Variants in FBXO40 observed in about 807,000 individuals in gnomAD.
The protein encoded by FBXO40 is F-box only protein 40.
Under a neutral mutation model 49.9 loss-of-function variants are expected in FBXO40, and 50 were observed. The observed-to-expected ratio is 1.00, with a 90% CI of 0.80 to 1.27. FBXO40 has a LOEUF of 1.27. FBXO40 is among the 50% of genes most tolerant of loss of function. The pLI is 0.00. For synonymous variants in FBXO40, 340 were observed against 320.2 expected (o/e 1.06, Z -0.66); for missense variants, 895 against 870.1 (o/e 1.03, Z -0.36).
At position 121,622,424 on chromosome 3, in the gene FBXO40, G is replaced by A. The variant is rs746032533; in HGVS notation, c.995G>A (p.Arg332Lys). 4 of 1,614,222 alleles carry A rather than the reference G, an allele frequency of 2.5e-6. No homozygotes were observed. Among genetic ancestry groups the A allele is most frequent in the East Asian group, 2.2e-5 (1 of 44,872 alleles). ...ATGCCTGCTTGTACACCCAAGGAGA[G>A]AGACTTTGTTTATGGCAAGCTGGAG... is the stretch of plus-strand genomic sequence containing the variant. ...GQMPACTPKE[R>K]DFVYGKLEAQ... Residue 332 changes from arginine (R) to lysine (K), a missense_variant, in exon 3 of 4, where the codon AGA becomes AAA. Coordinates refer to ENST00000338040, the MANE Select transcript of FBXO40 (RefSeq NM_016298.4).
chr3:121,611,146 T>C lies in FBXO40; in HGVS notation c.-30-9400T>C, dbSNP rs561900361. 1.8e-4 allele frequency among the ~76,000 whole-genome samples: 28 copies of C among 152,280 alleles called. 1 individual carries two copies. The East Asian group carries it at 5.2e-3, about 28-fold the overall frequency. On this transcript the variant is annotated intron_variant, in intron 1 of 3. Transcript: ENST00000338040. ...CCTCCACACCTGTGGGTATTTCTAG[T>C]CGGGTGGGACGAGAGACTGAGAAAA...
At chr3:121,612,289 C>G (rs1473757567) in intron 1 of FBXO40, among the ~76,000 whole-genome samples, 3 of 152,172 alleles carry the variant, frequency 2.0e-5, no homozygotes, top group African/African-American at 7.2e-5. Context: ...TGGTAAGAGG[C>G]CCCACTAAGA....
In FBXO40 at chr3:121,621,640, G is replaced by C; in HGVS notation, c.211G>C (p.Gly71Arg). The change falls in exon 3 of 4, where the codon GGC becomes CGC. Residue 71 changes from glycine (G) to arginine (R), a missense_variant. Transcript: ENST00000338040. Reference sequence around the variant, plus strand: ...GGTTCCGTGCCTCAACTCCGAATATGGCTGCCCTCTGTCCATGTCCCGCCA... The same window carrying C: ...GGTTCCGTGCCTCAACTCCGAATATCGCTGCCCTCTGTCCATGTCCCGCCA... ...EQVPCLNSEYGCPLSMSRHKL... is the reference protein window; with the variant it reads ...EQVPCLNSEYRCPLSMSRHKL... The C allele has an allele frequency of 1.2e-6, 2 of 1,614,200 alleles. No individual in the cohort carries two copies. The highest frequency in any genetic ancestry group is 2.7e-5 in the African/African-American group (2 of 75,046).
At chr3:121,625,148 C>A (rs1426660528) in intron 3 of FBXO40, among the ~76,000 whole-genome samples, 1 of 152,148 alleles carries the variant, frequency 6.6e-6, no homozygotes, top group East Asian at 1.9e-4. Flanking sequence ...TTCCTTTTCC[C>A]CAGTAGGTCA....
Position 121,627,525 on chromosome 3 carries a change from C to A in FBXO40, c.*615C>A. 1 of 223,664 alleles carries A rather than the reference C, an allele frequency of 4.5e-6. No homozygotes were observed. The highest frequency in any genetic ancestry group is 8.6e-6 in the Non-Finnish European group (1 of 115,778). 13.9% of individuals were successfully genotyped at this position (223,664 alleles called of 1,614,324 possible). ...TGGCAGCCTTGAAGACACCACAGGC[C>A]AAAACATGAGGGGCAGAAATGGGAT... On this transcript the variant is annotated 3_prime_UTR_variant, in exon 4 of 4. Transcript: ENST00000338040.
chr3:121,613,804 A>G (rs2048981503), intron 1 of FBXO40, among the ~76,000 whole-genome samples: 1 of 152,200 alleles, frequency 6.6e-6, no homozygotes, highest in Admixed American at 6.5e-5. Context: ...CAAGTGGCGA[A>G]TTAAGTCAGA....
intron 1 of FBXO40, among the ~76,000 whole-genome samples, chr3:121,599,705 C>CATATATATAT (rs1191192350): frequency 1.7e-5 from 1 of 59,534 alleles, no homozygotes; most frequent in African/African-American, 6.1e-5. Flanking sequence ...CACACACACA[C>CATATATATAT]ATATATATAT....
chr3:121,597,023 G>A (rs1215903823), intron 1 of FBXO40, among the ~76,000 whole-genome samples: 1 of 152,050 alleles, frequency 6.6e-6, no homozygotes, highest in African/African-American at 2.4e-5. Context: ...TGATATTCCG[G>A]TCAGACCTCC....
chr3:121,605,482 A>G (rs1395597731), intron 1 of FBXO40, among the ~76,000 whole-genome samples: 9 of 152,244 alleles, frequency 5.9e-5, no homozygotes, highest in Non-Finnish European at 1.2e-4. Flanking sequence ...TGACACAAGT[A>G]GCATTTGTCA....
chr3:121,602,860 T>C lies in FBXO40; in HGVS notation c.-31+9358T>C, dbSNP rs200951819. On this transcript the variant is annotated intron_variant, in intron 1 of 3. Transcript: ENST00000338040. ...CACTGCATGTTAAGAGATCAGTAGCTGGGCTCTTGGACCCAAAGATGTGTT... is the reference window on the plus strand; with the variant it reads ...CACTGCATGTTAAGAGATCAGTAGCCGGGCTCTTGGACCCAAAGATGTGTT... Among the ~76,000 whole-genome samples the C allele has an allele frequency of 2.6e-4, 39 of 152,316 alleles. No homozygotes were observed. In the East Asian group the frequency reaches 3.5e-3, roughly 14 times the overall value.
intron 1 of FBXO40, among the ~76,000 whole-genome samples, chr3:121,618,940 G>A (rs2049014641): frequency 6.6e-6 from 1 of 150,944 alleles, no homozygotes; most frequent in Admixed American, 6.6e-5. Context: ...TTAAGTTGGG[G>A]GAAATTTTAC....
Position 121,622,827 on chromosome 3 carries a change from G to A in FBXO40, c.1398G>A (p.Arg466=). 2 of 1,614,178 alleles carry A rather than the reference G, an allele frequency of 1.2e-6. No individual in the cohort carries two copies. The highest frequency in any genetic ancestry group is 2.2e-5 in the East Asian group (1 of 44,884). The change falls in exon 3 of 4, where the codon AGG becomes AGA. Residue 466 remains arginine, a synonymous_variant. Coordinates refer to ENST00000338040, the MANE Select transcript of FBXO40 (RefSeq NM_016298.4). ...AGCTCCACAGCGAGTGTGTGACCAG[G>A]AGACACAACAAAAGCAGCTCTGCCT... is the stretch of plus-strand genomic sequence containing the variant. ...HVELHSECVT[R]RHNKSSSAFT... is the part of the protein sequence containing the mutation.
At chr3:121,624,544 C>A (rs1349830363) in intron 3 of FBXO40, among the ~76,000 whole-genome samples, 1 of 152,182 alleles carries the variant, frequency 6.6e-6, no homozygotes, top group East Asian at 1.9e-4. Context: ...CAGCTGGCTC[C>A]CTTACCCTCC....
intron 1 of FBXO40, among the ~76,000 whole-genome samples, chr3:121,608,502 C>A (rs1177918508): frequency 6.6e-6 from 1 of 152,150 alleles, no homozygotes; most frequent in African/African-American, 2.4e-5. Flanking sequence ...AACCTGTATG[C>A]AGGAATGGTT....
At chr3:121,626,358 G>T (rs1471485131) in intron 3 of FBXO40, among the ~76,000 whole-genome samples, 1 of 152,220 alleles carries the variant, frequency 6.6e-6, no homozygotes, top group Non-Finnish European at 1.5e-5. Flanking sequence ...TCTGGAATAA[G>T]AGTTGCACTG....
intron 1 of FBXO40, among the ~76,000 whole-genome samples, chr3:121,599,674 G>GCACACACACACACACACACACA (rs757324448): frequency 1.0e-5 from 1 of 99,566 alleles, no homozygotes. Flanking sequence ...ACACACACAT[G>GCACACACACACACACACACACA]CACACACACA....
In FBXO40 at chr3:121,622,685, T is replaced by A. The variant is rs369423447; in HGVS notation, c.1256T>A (p.Ile419Asn). ...KGHVISESRS[I>N]DGLFMDFATQ... Reference sequence around the variant, plus strand: ...CACGTCATCTCTGAATCCAGAAGCATTGATGGACTGTTCATGGATTTTGCC... The same window carrying A: ...CACGTCATCTCTGAATCCAGAAGCAATGATGGACTGTTCATGGATTTTGCC... The change falls in exon 3 of 4, where the codon ATT (isoleucine) becomes AAT (asparagine). Residue 419 changes from isoleucine (I) to asparagine (N), a missense_variant. By Grantham distance (149) the Ile-to-Asn change is moderately radical. Transcript: ENST00000338040. The A allele has an allele frequency of 6.2e-7, 1 of 1,614,188 alleles. No individual in the cohort carries two copies. The highest frequency in any genetic ancestry group is 8.5e-7 in the Non-Finnish European group (1 of 1,180,040).
intron 1 of FBXO40, among the ~76,000 whole-genome samples, chr3:121,612,927 A>T (rs2048974999): frequency 6.6e-6 from 1 of 151,946 alleles, no homozygotes; most frequent in South Asian, 2.1e-4. Context: ...AAAATTAGCC[A>T]GGCATGGTGG....
intron 1 of FBXO40, among the ~76,000 whole-genome samples, chr3:121,619,954 T>C (rs1440387806): frequency 6.6e-6 from 1 of 152,250 alleles, no homozygotes; most frequent in East Asian, 1.9e-4. Context: ...ACAGGGCATT[T>C]TCTCTTTCAC....
Sources: allele counts gnomAD v4.1 joint callset (sites outside exome capture counted in the v4.1 genomes callset), GRCh38; gene constraint gnomAD v4.1.1; transcripts MANE v1.5; gene names NCBI Gene and HGNC (gene_info 2026-07-23, HGNC 2026-07-21).